Variants in IGSF5 observed in about 807,000 individuals in gnomAD.
The protein encoded by IGSF5 is immunoglobulin superfamily 5 like.
In IGSF5, 41 loss-of-function variants were observed where a neutral mutation model predicts 39.4. The observed-to-expected ratio is 1.04, with a 90% CI of 0.81 to 1.35. IGSF5 has a LOEUF of 1.35. Among genes scored for constraint, IGSF5 ranks in the 40% most tolerant of loss-of-function variants. IGSF5 has a pLI of 0.00. For synonymous variants in IGSF5, 183 were observed against 175.3 expected, an observed-to-expected ratio of 1.04 and a Z score of -0.34; for missense variants, 487 against 494.6, an observed-to-expected ratio of 0.98 and a Z score of 0.15.
chr21:39,714,080 C>T, the IGSF5 span, among the ~76,000 whole-genome samples: 7 of 152,202 alleles, frequency 4.6e-5, no homozygotes, highest in Non-Finnish European at 8.8e-5. Context: ...CACGTGAGCG[C>T]GAGCTGCTCC....
intron 7 of IGSF5, among the ~76,000 whole-genome samples, chr21:39,792,397 G>T (rs2086970701): frequency 6.6e-6 from 1 of 152,096 alleles, no homozygotes; most frequent in South Asian, 2.1e-4. Context: ...GGGGAAGGGG[G>T]AAGGATAGCA....
At chr21:39,751,886 A>G (rs904168222) in intron 2 of IGSF5, among the ~76,000 whole-genome samples, 4 of 152,156 alleles carry the variant, frequency 2.6e-5, no homozygotes, top group African/African-American at 9.7e-5. Context: ...TGAATGCAAG[A>G]TGCTCAGAGC....
chr21:39,717,261 G>T, the IGSF5 span, among the ~76,000 whole-genome samples: 1 of 152,162 alleles, frequency 6.6e-6, no homozygotes, highest in African/African-American at 2.4e-5. Context: ...CAGATGCATA[G>T]TTTGCAAATA....
chr21:39,797,566 G>T (rs1601145459), intron 8 of IGSF5, among the ~76,000 whole-genome samples: 1 of 152,038 alleles, frequency 6.6e-6, no homozygotes, highest in African/African-American at 2.4e-5. Flanking sequence ...GCCCAGGCTG[G>T]ATTGCAGTGG....
chr21:39,729,004 A>G, the IGSF5 span: 1 of 152,142 alleles, frequency 6.6e-6, no homozygotes, highest in East Asian at 1.9e-4. Flanking sequence ...CCAATAATTT[A>G]CTTTCTCTGT....
chr21:39,779,049 G>A (rs915571668), intron 4 of IGSF5, 41 bp from the exon 5 acceptor site: 1 of 1,597,136 alleles, frequency 6.3e-7, no homozygotes, highest in Non-Finnish European at 8.6e-7. Flanking sequence ...GTGATTCTAG[G>A]CAGTGCAAGT....
At chr21:39,778,647 T>C (rs1007592387) in intron 4 of IGSF5, among the ~76,000 whole-genome samples, 1 of 152,186 alleles carries the variant, frequency 6.6e-6, no homozygotes, top group Non-Finnish European at 1.5e-5. Context: ...TGGTTTCCTC[T>C]GGGCGCTGGA....
At chr21:39,772,766 G>T (rs941713248) in intron 4 of IGSF5, among the ~76,000 whole-genome samples, 5 of 152,128 alleles carry the variant, frequency 3.3e-5, no homozygotes, top group African/African-American at 9.7e-5. Context: ...TTTGACTTAG[G>T]TTACATATTT....
the IGSF5 span, among the ~76,000 whole-genome samples, chr21:39,739,974 T>G: frequency 6.6e-6 from 1 of 152,198 alleles, no homozygotes. Context: ...CCTGGTCCAG[T>G]AAATAACAAT....
upstream of IGSF5, among the ~76,000 whole-genome samples, chr21:39,742,993 G>A (rs2079954598): frequency 6.6e-6 from 1 of 152,196 alleles, no homozygotes; most frequent in Non-Finnish European, 1.5e-5. Context: ...AGGGAGGTAT[G>A]CTTCCTCAAT....
intron 7 of IGSF5, among the ~76,000 whole-genome samples, chr21:39,793,259 G>T (rs1381855188): frequency 3.3e-5 from 5 of 152,088 alleles, no homozygotes; most frequent in Non-Finnish European, 7.4e-5. Context: ...TCCTTGATCA[G>T]CTGTTGAAGC....
At chr21:39,783,446 G>T (rs924444392) in intron 5 of IGSF5, among the ~76,000 whole-genome samples, 1 of 152,048 alleles carries the variant, frequency 6.6e-6, no homozygotes, top group Non-Finnish European at 1.5e-5. Flanking sequence ...GTTTTGATTT[G>T]CATTTCCCTG....
chr21:39,765,845 C>T lies in IGSF5; in HGVS notation c.411C>T (p.Thr137=), dbSNP rs376346878. The T allele has an allele frequency of 4.4e-5, 71 of 1,611,602 alleles. No homozygotes were observed. The highest frequency in any genetic ancestry group is 8.3e-5 in the Admixed American group (5 of 59,916). ...GCCTGCATGGATCTGCTTACCTTACCGTCCAAGGTGTGTATGCAGGTGGCT... is the reference window on the plus strand; with the variant it reads ...GCCTGCATGGATCTGCTTACCTTACTGTCCAAGGTGTGTATGCAGGTGGCT... The part of the protein sequence containing the change: ...NSRLHGSAYL[T]VQVMGELFIP... Residue 137 remains threonine (T), a synonymous_variant, in exon 3 of 9, where the codon ACC becomes ACT. Transcript: ENST00000380588.
At chr21:39,795,330 T>C (rs2086989398) in intron 8 of IGSF5, among the ~76,000 whole-genome samples, 2 of 152,028 alleles carry the variant, frequency 1.3e-5, no homozygotes, top group African/African-American at 4.8e-5. Context: ...GGTGGCTGGC[T>C]GAGGGGCTCG....
rs1904960818 is a variant in IGSF5 at position 39,799,065 on chromosome 21, G to A, written c.1129-2197G>A. Among the ~76,000 whole-genome samples the A allele has an allele frequency of 2.0e-5, 3 of 152,136 alleles. No individual in the cohort carries two copies. The South Asian group carries it at 6.2e-4, about 31-fold the overall frequency. On this transcript the variant is annotated intron_variant, in intron 8 of 8. Transcript: ENST00000380588. ...GGGGACGCTGGGTTGTAGACAATGG[G>A]AAGAGGCACCAGTTCCTAGACCTCT...
At chr21:39,740,220 C>A (rs1044770006), upstream of IGSF5, among the ~76,000 whole-genome samples, 8 of 152,216 alleles carry the variant, frequency 5.3e-5, no homozygotes, top group African/African-American at 1.9e-4. Context: ...ATAAGCATTT[C>A]TAATGGAGGG....
chr21:39,787,582 G>A (rs1323031626), intron 5 of IGSF5, among the ~76,000 whole-genome samples: 1 of 148,752 alleles, frequency 6.7e-6, no homozygotes, highest in East Asian at 2.0e-4. Context: ...GGTGGGGTGG[G>A]GGCACAACTG....
chr21:39,771,281 T>C (rs1269111077), intron 4 of IGSF5, 66 bp downstream of exon 4: 2 of 1,387,970 alleles, frequency 1.4e-6, no homozygotes, highest in Admixed American at 5.2e-5. Flanking sequence ...TTACGTAGAA[T>C]GCTCCTTCAT....
At chr21:39,745,602 A>T (rs2079970039) in intron 1 of IGSF5, 76 bp downstream of exon 1, 1 of 703,950 alleles carries the variant, frequency 1.4e-6, no homozygotes, top group Non-Finnish European at 2.6e-6. Context: ...TACTGCTGGG[A>T]GGTTGGGACG....
Sources: allele counts gnomAD v4.1 joint callset (sites outside exome capture counted in the v4.1 genomes callset), GRCh38; gene constraint gnomAD v4.1.1; transcripts MANE v1.5; gene names NCBI Gene and HGNC (gene_info 2026-07-23, HGNC 2026-07-21).